The following TARS2 variants were observed in gnomAD, a reference collection of about 807,000 sequenced individuals.
TARS2 encodes threonine--tRNA ligase, mitochondrial.
In TARS2, 61 loss-of-function variants were observed where a neutral mutation model predicts 94.4. The observed-to-expected ratio is 0.65, with a 90% CI of 0.53 to 0.80. The LOEUF (loss-of-function observed/expected upper bound fraction) is 0.80. TARS2 is among the 30% of genes least tolerant of loss of function. The pLI is 0.00. For missense variants in TARS2, 704 were observed against 902.5 expected (o/e 0.78, Z 2.82); for synonymous variants, 359 against 353.4 (o/e 1.02, Z -0.18).
At chr1:150,495,213 T>C (rs1570845993) in intron 7 of TARS2, among the ~76,000 whole-genome samples, 1 of 133,210 alleles carries the variant, frequency 7.5e-6, no homozygotes, top group South Asian at 2.6e-4. Flanking sequence ...AGTGTGGTGG[T>C]GGTGGCCTGT....
In TARS2 at chr1:150,499,006, A is replaced by C. The variant is rs200102689; in HGVS notation, c.1511A>C (p.Asp504Ala). 4.3e-6 allele frequency: 7 copies of C among 1,613,522 alleles called. No homozygotes were observed. Among genetic ancestry groups the C allele is most frequent in the Non-Finnish European group, 5.9e-6 (7 of 1,179,952 alleles). Residue 504 changes from aspartate (D) to alanine (A), a missense_variant, in exon 12 of 18, where the codon GAC becomes GCC. Around this residue, in one of 3 missense-constraint regions of TARS2, gnomAD observed 466 missense variants for 609.5 expected, o/e 0.76. Coordinates refer to ENST00000369064, the MANE Select transcript of TARS2 (RefSeq NM_025150.5). ...LSTRPSGFLG[D>A]PCLWDQAEQV... ...ACCCGGCCATCTGGCTTCCTGGGGG[A>C]CCCTTGCCTTTGGGACCAGGCCGAA... is the stretch of plus-strand genomic sequence containing the variant.
Position 150,496,338 on chromosome 1 carries a change from G to A in TARS2, c.775-144G>A, listed in dbSNP as rs1034413835. 3 of 922,786 alleles carry A rather than the reference G, an allele frequency of 3.3e-6. No individual in the cohort carries two copies. The Admixed American group carries it at 7.8e-5, about 24-fold the overall frequency. The allele number at this position is 922,786 out of a possible 1,614,324, so 57.2% of individuals were successfully genotyped here. On this transcript the variant is annotated intron_variant, in intron 7 of 17. Transcript: ENST00000369064. ...TTAATCTAGAAGAATGGTGTCTAGA[G>A]GATGGAGGTGTTCATCCTACTGGTG...
intron 3 of TARS2, among the ~76,000 whole-genome samples, chr1:150,489,575 T>C (rs78413171): frequency 1.3e-3 from 203 of 152,240 alleles, no homozygotes; most frequent in Non-Finnish European, 2.7e-3. Context: ...TATATCGCAC[T>C]AGATTCGTGG....
Position 150,487,930 on chromosome 1 carries a change from G to T in TARS2, c.139G>T (p.Val47Leu). 2 of 1,613,994 alleles carry T rather than the reference G, an allele frequency of 1.2e-6. No homozygotes were observed. The highest frequency in any genetic ancestry group is 1.7e-6 in the Non-Finnish European group (2 of 1,180,038). Residue 47 changes from valine to leucine, a missense_variant, in exon 2 of 18, where the codon GTA becomes TTA. Transcript: ENST00000369064. ...TTTTGAGGAGCTGTGGGCTGCTCAGGTAAAGAGATTAGCAAGCATGGCACA... is the reference window on the plus strand; with the variant it reads ...TTTTGAGGAGCTGTGGGCTGCTCAGTTAAAGAGATTAGCAAGCATGGCACA... ...GLFEELWAAQ[V>L]KRLASMAQKE...
At position 150,504,410 on chromosome 1, in the gene TARS2, C is replaced by G; in HGVS notation, c.1693C>G (p.Leu565Val). ...GTIQLDFQLP[L>V]RFDLQYKGQA... The stretch of plus-strand genomic sequence containing the variant: ...AATTCAGCTTGACTTCCAACTGCCC[C>G]TGAGATTTGACCTCCAGTATAAGGG... Residue 565 changes from leucine to valine, a missense_variant, in exon 14 of 18, where the codon CTG becomes GTG. By Grantham distance (32) the Leu-to-Val change is conservative (BLOSUM62 1). Coordinates refer to ENST00000369064, the MANE Select transcript of TARS2 (RefSeq NM_025150.5). The G allele has an allele frequency of 6.2e-7, 1 of 1,614,130 alleles. No homozygotes were observed. The highest frequency in any genetic ancestry group is 1.1e-5 in the South Asian group (1 of 91,080).
chr1:150,497,053 C>T (rs1488410424), intron 9 of TARS2, 145 bp downstream of exon 9: 6 of 725,448 alleles, frequency 8.3e-6, no homozygotes, highest in East Asian at 2.9e-5. Context: ...GAGGCTGAGC[C>T]GTGCAGATCA....
At chr1:150,504,610 C>T in intron 14 of TARS2, 22 bp from the exon 15 acceptor site, 1 of 1,527,226 alleles carries the variant, frequency 6.5e-7, no homozygotes, top group Non-Finnish European at 9.0e-7. Context: ...ATTCCATCCA[C>T]CCCCCCCTTT....
At chr1:150,488,433 C>T (rs1570829842) in intron 2 of TARS2, 1 of 177,162 alleles carries the variant, frequency 5.6e-6, no homozygotes, top group African/African-American at 2.4e-5. Flanking sequence ...ACTCATTTCA[C>T]CTTTGCAAGT....
At chr1:150,491,961 G>GT (rs367685337) in intron 6 of TARS2, 4,724 of 127,996 alleles carry the variant, frequency 0.037, 47 homozygotes, top group South Asian at 0.11. Flanking sequence ...TGCCTGGCTA[G>GT]TTTTTTTTTT....
intron 16 of TARS2, among the ~76,000 whole-genome samples, chr1:150,505,280 G>A (rs1213431611): frequency 6.6e-6 from 1 of 152,190 alleles, no homozygotes; most frequent in Non-Finnish European, 1.5e-5. Context: ...CCTTTCTAGA[G>A]AGAATTGAGG....
At chr1:150,501,468 CCCATCA>C (rs58578615) in intron 13 of TARS2, among the ~76,000 whole-genome samples, 88,750 of 146,362 alleles carry the variant, frequency 0.61, 27,453 homozygotes, top group Non-Finnish European at 0.65. Flanking sequence ...TAGGCAGGCA[CCCATCA>C]CCATCACCAT....
intron 13 of TARS2, among the ~76,000 whole-genome samples, chr1:150,503,373 G>A (rs1167431310): frequency 6.6e-6 from 1 of 151,940 alleles, no homozygotes; most frequent in African/African-American, 2.4e-5. Flanking sequence ...AGAACCGGTG[G>A]GTTGAAGTGC....
rs200475785 is a variant in TARS2 at position 150,506,929 on chromosome 1, A to G, written c.2022A>G (p.Lys674=). Residue 674 remains lysine (K), a synonymous_variant, in exon 18 of 18, where the codon AAA becomes AAG. Transcript: ENST00000369064. ...CTCTACCTGCAGTGGTTGGCCAGAA[A>G]GAGCAAAGTAAGAGAACAGTGAACA... ...HYNFQFVVGQ[K]EQSKRTVNIR... 3 of 1,614,134 alleles carry G rather than the reference A, an allele frequency of 1.9e-6. No individual in the cohort carries two copies. Among genetic ancestry groups the G allele is most frequent in the South Asian group, 1.1e-5 (1 of 91,080 alleles).
chr1:150,499,956 T>G (rs1669838615), intron 13 of TARS2, among the ~76,000 whole-genome samples: 1 of 145,194 alleles, frequency 6.9e-6, no homozygotes, highest in African/African-American at 2.5e-5. Context: ...GGGATAAGGA[T>G]GAAAACACAT....
rs758737658 is a variant in TARS2, at chr1:150,497,755, G to GGGA, written c.1238+10_1238+12dup. On this transcript the variant is annotated intron_variant, in intron 10 of 17. Coordinates refer to ENST00000369064, the MANE Select transcript of TARS2 (RefSeq NM_025150.5). ...GAACTGCCCTGCACACTGGTAAGCTGGGAGCTAGGGTTACAATCAGGTTGC... is the reference window on the plus strand; with the variant it reads ...GAACTGCCCTGCACACTGGTAAGCTGGGAGGAGCTAGGGTTACAATCAGGTTGC... 8 of 1,612,140 alleles carry GGGA rather than the reference G, an allele frequency of 5.0e-6. No individual in the cohort carries two copies. The highest frequency in any genetic ancestry group is 1.3e-5 in the African/African-American group (1 of 74,904).
chr1:150,496,589 G>A lies in TARS2; in HGVS notation c.882G>A (p.Arg294=). The change falls in exon 8 of 18, where the codon AGG becomes AGA. Residue 294 remains arginine, a synonymous_variant. Transcript: ENST00000369064. ...TELLRVWEAW[R]EEAELRDHRR... ...TGCTGAGGGTCTGGGAAGCATGGAG[G>A]GAGGAAGCAGAATTGCGGGACCACC... is the stretch of plus-strand genomic sequence containing the variant. 6.2e-7 allele frequency: 1 copy of A among 1,614,060 alleles called. No homozygotes were observed. Among genetic ancestry groups the A allele is most frequent in the Non-Finnish European group, 8.5e-7 (1 of 1,180,016 alleles).
In TARS2 at chr1:150,487,851, C is replaced by T. The variant is rs774888792; in HGVS notation, c.67-7C>T. On this transcript the variant is annotated splice_region_variant and splice_polypyrimidine_tract_variant and intron_variant, in intron 1 of 17. Transcript: ENST00000369064. ...TGTGTTACCTGCTAATATATCTTTC[C>T]CTCCAGGCAGTTGTGTCGACCCCTC... is the stretch of plus-strand genomic sequence containing the variant. 2 of 1,610,934 alleles carry T rather than the reference C, an allele frequency of 1.2e-6. No homozygotes were observed. The highest frequency in any genetic ancestry group is 2.2e-5 in the East Asian group (1 of 44,866).
Position 150,505,582 on chromosome 1 carries a change from C to G in TARS2, c.1894-9C>G. Reference sequence around the variant, plus strand: ...AAATTAACTTCCTGTCACCAAACCTCTGTTGCAGGCACAGCAGAGCCTGCG... The same window carrying G: ...AAATTAACTTCCTGTCACCAAACCTGTGTTGCAGGCACAGCAGAGCCTGCG... On this transcript the variant is annotated splice_polypyrimidine_tract_variant and intron_variant, in intron 16 of 17. Coordinates refer to ENST00000369064, the MANE Select transcript of TARS2 (RefSeq NM_025150.5). 6.2e-7 allele frequency: 1 copy of G among 1,612,442 alleles called. No individual in the cohort carries two copies.
intron 7 of TARS2, among the ~76,000 whole-genome samples, chr1:150,495,341 A>G (rs72698870): frequency 0.22 from 33,326 of 151,218 alleles, 4,129 homozygotes; most frequent in African/African-American, 0.32. Context: ...GTATATACAC[A>G]CACACACACA....
Sources: allele counts gnomAD v4.1 joint callset (sites outside exome capture counted in the v4.1 genomes callset), GRCh38; gene constraint gnomAD v4.1.1; regional missense constraint gnomAD v4.1.1; transcripts MANE v1.5; gene names NCBI Gene and HGNC (gene_info 2026-07-23, HGNC 2026-07-21).